The following COL28A1 variants were observed in gnomAD, a reference collection of about 807,000 sequenced individuals.
COL28A1 encodes the protein collagen alpha-1(XXVIII) chain.
COL28A1 carries 161 observed loss-of-function variants against 150.2 expected under a neutral mutation model. That is an observed-to-expected ratio of 1.07 (90% CI 0.94 to 1.22). The LOEUF (loss-of-function observed/expected upper bound fraction) is 1.22. Among genes scored for constraint, COL28A1 ranks in the 50% most tolerant of loss-of-function variants. The probability of loss-of-function intolerance (pLI) is 0.00; values close to 1 mark genes in which losing one functional copy is unlikely to be tolerated. For synonymous variants in COL28A1, 552 were observed against 469.7 expected, an observed-to-expected ratio of 1.18 and a Z score of -2.26; for missense variants, 1,617 against 1,388.3, an observed-to-expected ratio of 1.16 and a Z score of -2.62.
chr7:7,383,668 G>GTA (rs953307581), intron 27 of COL28A1, among the ~76,000 whole-genome samples: 2 of 66,804 alleles, frequency 3.0e-5, no homozygotes, highest in African/African-American at 1.0e-4. Flanking sequence ...TTTGAAATTT[G>GTA]TGTGTGTGTG....
At chr7:7,409,755 C>CAAA (rs750684211) in intron 27 of COL28A1, among the ~76,000 whole-genome samples, 24 of 152,140 alleles carry the variant, frequency 1.6e-4, no homozygotes, top group Admixed American at 2.6e-4. Context: ...AACGTGATTT[C>CAAA]AAAATTTGCT....
At chr7:7,374,038 A>AAATATATATATATAT in intron 31 of COL28A1, among the ~76,000 whole-genome samples, 11 of 113,626 alleles carry the variant, frequency 9.7e-5, no homozygotes, top group African/African-American at 3.4e-4. Context: ...AAAAAAAAAA[A>AAATATATATATATAT]ATATATATAT....
At chr7:7,471,141 A>AAAAAAAAAG (rs1562758010) in intron 15 of COL28A1, among the ~76,000 whole-genome samples, 1 of 147,306 alleles carries the variant, frequency 6.8e-6, no homozygotes, top group Non-Finnish European at 1.5e-5. Flanking sequence ...AAAAAAAAAA[A>AAAAAAAAAG]AAAGAAAAGA....
chr7:7,529,253 C>A (rs1273740747), intron 3 of COL28A1, among the ~76,000 whole-genome samples: 1 of 146,578 alleles, frequency 6.8e-6, no homozygotes, highest in Admixed American at 7.0e-5. Flanking sequence ...CGTGCCACTG[C>A]ACTCCAGCCT....
At chr7:7,388,109 C>A (rs1318505259) in intron 27 of COL28A1, among the ~76,000 whole-genome samples, 1 of 151,930 alleles carries the variant, frequency 6.6e-6, no homozygotes, top group Non-Finnish European at 1.5e-5. Flanking sequence ...GTTAGCTGAA[C>A]CCATCAACCC....
chr7:7,496,911 G>A (rs1780238543), intron 11 of COL28A1, among the ~76,000 whole-genome samples: 1 of 152,114 alleles, frequency 6.6e-6, no homozygotes, highest in African/African-American at 2.4e-5. Context: ...TGAACATTTT[G>A]TAGGTGCAGA....
chr7:7,423,426 A>AC (rs1456819345), intron 25 of COL28A1, among the ~76,000 whole-genome samples: 1 of 152,140 alleles, frequency 6.6e-6, no homozygotes, highest in African/African-American at 2.4e-5. Flanking sequence ...GCTGTAATAG[A>AC]CCCCCTTAAT....
intron 25 of COL28A1, among the ~76,000 whole-genome samples, chr7:7,425,797 C>T (rs900642308): frequency 6.6e-6 from 1 of 152,160 alleles, no homozygotes; most frequent in Non-Finnish European, 1.5e-5. Context: ...TGCTAAGCCT[C>T]AGGGAGACTA....
At chr7:7,493,073 C>T (rs1780014750) in intron 11 of COL28A1, among the ~76,000 whole-genome samples, 1 of 140,004 alleles carries the variant, frequency 7.1e-6, no homozygotes, top group South Asian at 2.3e-4. Flanking sequence ...TATATATATA[C>T]CATTAAAAAT....
rs186939976 is a variant in COL28A1, at chr7:7,375,535, G to A, written c.2323-38C>T. 3.7e-6 allele frequency: 5 copies of A among 1,344,974 alleles called. No individual in the cohort carries two copies. The African/African-American group carries it at 7.2e-5, about 19-fold the overall frequency. 83.3% of individuals were successfully genotyped at this position (1,344,974 alleles called of 1,614,324 possible). ...AAGAAAAATGTATTACTATATGTAT[G>A]ACTATAATATTTTTCCTAGAGCCAT... On this transcript the variant is annotated intron_variant, in intron 30 of 34. Coordinates refer to ENST00000399429, the MANE Select transcript of COL28A1 (RefSeq NM_001037763.3).
intron 27 of COL28A1, among the ~76,000 whole-genome samples, chr7:7,412,521 C>T (rs144659041): frequency 5.9e-5 from 9 of 152,064 alleles, no homozygotes; most frequent in African/African-American, 1.9e-4. Flanking sequence ...GAGGGACTAG[C>T]GAAAGGGAAG....
Position 7,380,659 on chromosome 7 carries a change from C to T in COL28A1, c.2322+1G>A, listed in dbSNP as rs1286435621. 3.1e-6 allele frequency: 5 copies of T among 1,613,050 alleles called. No homozygotes were observed. The highest frequency in any genetic ancestry group is 4.2e-6 in the Non-Finnish European group (5 of 1,179,194). ...AATTACCCTCTAGAATGGATACTCA[C>T]TGTAAGTCCTAGGTCTCCTTTGGGT... On this transcript the variant is annotated splice_donor_variant, in intron 30 of 34. Coordinates refer to ENST00000399429, the MANE Select transcript of COL28A1 (RefSeq NM_001037763.3). LOFTEE classifies it high-confidence loss of function.
intron 27 of COL28A1, among the ~76,000 whole-genome samples, chr7:7,402,665 C>A (rs1186025834): frequency 6.6e-6 from 1 of 152,154 alleles, no homozygotes; most frequent in African/African-American, 2.4e-5. Flanking sequence ...AGTAAAGGGA[C>A]AACAGACTCA....
intron 8 of COL28A1, among the ~76,000 whole-genome samples, chr7:7,513,446 G>A (rs879062102): frequency 2.0e-5 from 3 of 152,210 alleles, no homozygotes; most frequent in Admixed American, 2.0e-4. Flanking sequence ...GGCATCAGGA[G>A]CAGGAAAGAG....
intron 8 of COL28A1, among the ~76,000 whole-genome samples, chr7:7,515,149 A>G (rs1781351969): frequency 6.6e-6 from 1 of 152,188 alleles, no homozygotes. Context: ...CAGATAGAAA[A>G]TCTGATAATA....
chr7:7,400,209 A>G (rs1252042487), intron 27 of COL28A1, among the ~76,000 whole-genome samples: 1 of 152,162 alleles, frequency 6.6e-6, no homozygotes, highest in Non-Finnish European at 1.5e-5. Flanking sequence ...TATGAACCCT[A>G]TTATCCATGG....
chr7:7,472,012 G>A (rs1788475544), intron 15 of COL28A1, among the ~76,000 whole-genome samples: 1 of 152,144 alleles, frequency 6.6e-6, no homozygotes, highest in South Asian at 2.1e-4. Flanking sequence ...GGCATACAAG[G>A]AGCATACCTC....
intron 15 of COL28A1, among the ~76,000 whole-genome samples, chr7:7,458,183 G>C (rs1787323205): frequency 6.6e-6 from 1 of 152,180 alleles, no homozygotes; most frequent in African/African-American, 2.4e-5. Context: ...TTGGGAGGCA[G>C]AGGTGGGCGG....
chr7:7,455,272 T>A (rs555034156), intron 16 of COL28A1, among the ~76,000 whole-genome samples: 12 of 152,316 alleles, frequency 7.9e-5, no homozygotes, highest in African/African-American at 2.9e-4. Context: ...GTGGGTTGCT[T>A]TGATTAATAA....
Sources: allele counts gnomAD v4.1 joint callset (sites outside exome capture counted in the v4.1 genomes callset), GRCh38; gene constraint gnomAD v4.1.1; transcripts MANE v1.5; gene names NCBI Gene and HGNC (gene_info 2026-07-23, HGNC 2026-07-21).